The following COMMD10 variants were observed in gnomAD, a reference collection of about 807,000 sequenced individuals.
COMMD10 encodes COMM domain-containing protein 10.
Under a neutral mutation model 28.9 loss-of-function variants are expected in COMMD10, and 33 were observed. The observed-to-expected ratio is 1.14, with a 90% confidence interval of 0.87 to 1.53. The LOEUF (loss-of-function observed/expected upper bound fraction) is 1.53. Among genes scored for constraint, COMMD10 ranks in the 40% most tolerant of loss-of-function variants. COMMD10 has a pLI of 0.00. For synonymous variants in COMMD10, 110 were observed against 81.7 expected, an observed-to-expected ratio of 1.35 and a Z score of -1.87; for missense variants, 310 against 233.4, an observed-to-expected ratio of 1.33 and a Z score of -2.14.
chr5:116,217,953 A>C, intron 5 of COMMD10: 1 of 780,702 alleles, frequency 1.3e-6, no homozygotes, highest in South Asian at 1.4e-5. Context: ...ATTTTTATAA[A>C]ACTTGGTAAA....
At chr5:116,276,251 CTTTT>C (rs943266802) in intron 5 of COMMD10, among the ~76,000 whole-genome samples, 4 of 151,434 alleles carry the variant, frequency 2.6e-5, no homozygotes, top group Non-Finnish European at 5.9e-5. Context: ...GAAATATCTT[CTTTT>C]TTTTCTTCTT....
At chr5:116,214,879 A>G (rs1749057712) in intron 5 of COMMD10, among the ~76,000 whole-genome samples, 1 of 152,116 alleles carries the variant, frequency 6.6e-6, no homozygotes, top group African/African-American at 2.4e-5. Flanking sequence ...GATCTCTTTT[A>G]TAATCCTAAC....
At chr5:116,109,028 A>G (rs1750946892) in intron 4 of COMMD10, among the ~76,000 whole-genome samples, 1 of 152,060 alleles carries the variant, frequency 6.6e-6, no homozygotes, top group South Asian at 2.1e-4. Context: ...GGCTGCATCC[A>G]CTGTCCTATC....
intron 5 of COMMD10, among the ~76,000 whole-genome samples, chr5:116,159,256 C>T (rs1354980280): frequency 2.0e-5 from 3 of 152,190 alleles, no homozygotes; most frequent in African/African-American, 7.2e-5. Flanking sequence ...TACCTTGTTT[C>T]CCAGCCCCTC....
At chr5:116,247,181 A>G (rs1283902748) in intron 5 of COMMD10, among the ~76,000 whole-genome samples, 1 of 152,146 alleles carries the variant, frequency 6.6e-6, no homozygotes, top group Non-Finnish European at 1.5e-5. Flanking sequence ...GATACTTTTC[A>G]AAAGAAGATA....
At chr5:116,278,730 A>G (rs1156384183) in intron 5 of COMMD10, among the ~76,000 whole-genome samples, 1 of 151,868 alleles carries the variant, frequency 6.6e-6, no homozygotes, top group Non-Finnish European at 1.5e-5. Flanking sequence ...CTAAACATGT[A>G]TAAAACACAA....
chr5:116,199,926 G>C (rs1748620997), intron 5 of COMMD10, among the ~76,000 whole-genome samples: 5 of 151,880 alleles, frequency 3.3e-5, no homozygotes, highest in Admixed American at 3.3e-4. Flanking sequence ...CAGAATTTTA[G>C]GTTGTTGGGT....
chr5:116,155,039 A>C (rs1752662666), intron 5 of COMMD10, among the ~76,000 whole-genome samples: 1 of 152,096 alleles, frequency 6.6e-6, no homozygotes, highest in African/African-American at 2.4e-5. Context: ...GAATACATTT[A>C]TGTATCTTTT....
chr5:116,220,878 G>C (rs898742881), intron 5 of COMMD10, among the ~76,000 whole-genome samples: 2 of 152,024 alleles, frequency 1.3e-5, no homozygotes, highest in African/African-American at 2.4e-5. Flanking sequence ...CAGGGAAGAA[G>C]GGATGGGGAG....
chr5:116,269,818 C>G (rs1338018491), intron 5 of COMMD10, among the ~76,000 whole-genome samples: 2 of 151,804 alleles, frequency 1.3e-5, no homozygotes, highest in African/African-American at 2.4e-5. Context: ...TCTGACTTGC[C>G]AGTCTTACTT....
chr5:116,292,936 C>T lies in COMMD10; in HGVS notation c.*447C>T. On this transcript the variant is annotated 3_prime_UTR_variant, in exon 7 of 7. Coordinates refer to ENST00000274458, the MANE Select transcript of COMMD10 (RefSeq NM_016144.4). ...AAATAGCCATATACAATCAAATACA[C>T]TATGGCATTTTTATTTGAATATGAT... The T allele has an allele frequency of 5.0e-6, 2 of 396,482 alleles. No homozygotes were observed. The highest frequency in any genetic ancestry group is 2.1e-5 in the African/African-American group (1 of 48,616). The allele number at this position is 396,482 out of a possible 1,614,324, so 24.6% of individuals were successfully genotyped here.
At chr5:116,085,344 C>T in intron 1 of COMMD10, 1 of 487,076 alleles carries the variant, frequency 2.1e-6, no homozygotes, top group South Asian at 3.0e-5. Context: ...TGTACGGAAG[C>T]GTGTGGTCTG....
At chr5:116,284,064 C>T (rs956299699) in intron 5 of COMMD10, among the ~76,000 whole-genome samples, 10 of 151,730 alleles carry the variant, frequency 6.6e-5, no homozygotes, top group Admixed American at 1.3e-4. Context: ...GGAGTTAGTT[C>T]GAGGCTGCAG....
At chr5:116,202,185 T>C (rs957738577) in intron 5 of COMMD10, among the ~76,000 whole-genome samples, 2 of 151,922 alleles carry the variant, frequency 1.3e-5, no homozygotes, top group African/African-American at 4.8e-5. Context: ...TGATTTCCAA[T>C]TTCATCCATG....
intron 5 of COMMD10, among the ~76,000 whole-genome samples, chr5:116,213,187 G>A (rs1161440190): frequency 6.6e-6 from 1 of 151,988 alleles, no homozygotes; most frequent in African/African-American, 2.4e-5. Flanking sequence ...ATTATGAGAA[G>A]TTCAGAGACC....
Position 116,282,618 on chromosome 5 carries a change from T to C in COMMD10, c.511-8899T>C, listed in dbSNP as rs1751102262. ...GCTTAAACAACAGAAAATTATTTTA[T>C]CACAATTCTGTAGGCTAGAAGACTA... On this transcript the variant is annotated intron_variant, in intron 5 of 6. Transcript: ENST00000274458. 2.0e-5 allele frequency among the ~76,000 whole-genome samples: 3 copies of C among 152,034 alleles called. No individual in the cohort carries two copies. The South Asian group carries it at 6.2e-4, about 32-fold the overall frequency.
At chr5:116,125,601 T>TA (rs1356944882) in intron 4 of COMMD10, among the ~76,000 whole-genome samples, 1 of 152,164 alleles carries the variant, frequency 6.6e-6, no homozygotes, top group Non-Finnish European at 1.5e-5. Flanking sequence ...TGGTCTGCCT[T>TA]GCTAGCTTGG....
At chr5:116,189,396 A>C (rs938280045) in intron 5 of COMMD10, among the ~76,000 whole-genome samples, 85 of 152,246 alleles carry the variant, frequency 5.6e-4, no homozygotes, top group African/African-American at 1.9e-3. Flanking sequence ...GTGGTGCCAC[A>C]TTCTCAGCAG....
intron 5 of COMMD10, among the ~76,000 whole-genome samples, chr5:116,138,431 G>C (rs999588844): frequency 6.6e-6 from 1 of 151,746 alleles, no homozygotes; most frequent in Non-Finnish European, 1.5e-5. Context: ...AATGTCATTT[G>C]TAACAAATGT....
Sources: gnomAD v4.1 joint callset for allele counts (sites outside exome capture counted in the v4.1 genomes callset) on GRCh38, gnomAD v4.1.1 for gene constraint, MANE v1.5 for transcripts, NCBI Gene and HGNC (gene_info 2026-07-23, HGNC 2026-07-21) for gene names.